Variants in IGSF5 observed in about 807,000 individuals in gnomAD.
The protein encoded by IGSF5 is immunoglobulin superfamily 5 like.
In IGSF5, 41 loss-of-function variants were observed where a neutral mutation model predicts 39.4. The ratio of observed to expected loss-of-function variants is 1.04; its 90% CI spans 0.81 to 1.35. The LOEUF is 1.35. IGSF5 is among the 40% of genes most tolerant of loss of function. IGSF5 has a pLI of 0.00. For synonymous variants in IGSF5, 183 were observed against 175.3 expected, an observed-to-expected ratio of 1.04 and a Z score of -0.34; for missense variants, 487 against 494.6, an observed-to-expected ratio of 0.98 and a Z score of 0.15.
chr21:39,779,445 C>A, intron 5 of IGSF5, 140 bp downstream of exon 5: 1 of 1,126,080 alleles, frequency 8.9e-7, no homozygotes. Flanking sequence ...TGTGGTTGCA[C>A]ACTGTTGGTG....
intron 5 of IGSF5, among the ~76,000 whole-genome samples, chr21:39,786,338 C>G (rs1170113541): frequency 6.7e-6 from 1 of 150,262 alleles, no homozygotes; most frequent in South Asian, 2.1e-4. Context: ...ATTTATGCAG[C>G]CAAAAAACAC....
chr21:39,789,693 A>C (rs2086950035), intron 6 of IGSF5, among the ~76,000 whole-genome samples: 1 of 152,232 alleles, frequency 6.6e-6, no homozygotes, highest in Non-Finnish European at 1.5e-5. Flanking sequence ...CACAAGAAAT[A>C]GTTTAAAAAA....
chr21:39,779,517 G>C (rs1201458388), intron 5 of IGSF5, among the ~76,000 whole-genome samples: 2 of 152,162 alleles, frequency 1.3e-5, no homozygotes, highest in Non-Finnish European at 2.9e-5. Context: ...AATTAAAATA[G>C]AGCTATCCTA....
At chr21:39,759,297 G>A (rs2080048731) in intron 2 of IGSF5, among the ~76,000 whole-genome samples, 1 of 152,168 alleles carries the variant, frequency 6.6e-6, no homozygotes, top group Non-Finnish European at 1.5e-5. Flanking sequence ...ATGTGTTTGG[G>A]GATGAAGATA....
chr21:39,787,483 CA>C (rs1166543242), intron 5 of IGSF5, among the ~76,000 whole-genome samples: 1 of 149,128 alleles, frequency 6.7e-6, no homozygotes, highest in Non-Finnish European at 1.5e-5. Flanking sequence ...TCCCCACCTT[CA>C]AATCCTAGAT....
At chr21:39,797,514 C>T (rs1039606883) in intron 8 of IGSF5, among the ~76,000 whole-genome samples, 22 of 152,124 alleles carry the variant, frequency 1.4e-4, no homozygotes, top group East Asian at 3.9e-4. Context: ...ACAGCTTGCC[C>T]GGCCTTTAAA....
At chr21:39,725,051 C>G in the IGSF5 span, among the ~76,000 whole-genome samples, 1 of 152,228 alleles carries the variant, frequency 6.6e-6, no homozygotes, top group African/African-American at 2.4e-5. Context: ...TGACACACAA[C>G]GTTCAGTAAA....
intron 3 of IGSF5, among the ~76,000 whole-genome samples, chr21:39,766,442 A>G (rs1007471803): frequency 2.0e-5 from 3 of 152,070 alleles, no homozygotes; most frequent in Admixed American, 1.3e-4. Context: ...TGCTTGCATC[A>G]TTTATCAACT....
chr21:39,784,709 A>T (rs573776320), intron 5 of IGSF5, among the ~76,000 whole-genome samples: 1 of 151,762 alleles, frequency 6.6e-6, no homozygotes, highest in South Asian at 2.1e-4. Context: ...GGTGTGATTC[A>T]TAGTGGAAAT....
intron 2 of IGSF5, 105 bp from the exon 3 acceptor site, chr21:39,765,429 TG>T: frequency 1.0e-6 from 1 of 989,774 alleles, no homozygotes; most frequent in Non-Finnish European, 1.5e-6. Context: ...AGTCACTGGA[TG>T]GACAACCTGG....
intron 4 of IGSF5, among the ~76,000 whole-genome samples, chr21:39,774,704 C>T (rs2080130974): frequency 1.3e-5 from 2 of 152,182 alleles, no homozygotes; most frequent in South Asian, 2.1e-4. Flanking sequence ...TTTCTTTGTG[C>T]ACTTATTTGT....
rs775844513 is a variant in IGSF5 at position 39,788,164 on chromosome 21, C to A, written c.935-3C>A. ...TCCAATGTAATTTTGTTCTTTTTTG[C>A]AGGATTTCGTATTCAATTTCAAAAG... On this transcript the variant is annotated splice_region_variant and splice_polypyrimidine_tract_variant and intron_variant, in intron 5 of 8. Coordinates refer to ENST00000380588, the MANE Select transcript of IGSF5 (RefSeq NM_001080444.2). The A allele has an allele frequency of 8.8e-6, 14 of 1,589,574 alleles. No homozygotes were observed. Among genetic ancestry groups the A allele is most frequent in the Non-Finnish European group, 1.2e-5 (14 of 1,162,946 alleles).
chr21:39,732,263 G>A, the IGSF5 span, among the ~76,000 whole-genome samples: 4 of 152,158 alleles, frequency 2.6e-5, no homozygotes, highest in Non-Finnish European at 5.9e-5. Context: ...AATTTTTGGG[G>A]TGGTTTAAAT....
At chr21:39,758,475 G>C (rs1358754369) in intron 2 of IGSF5, among the ~76,000 whole-genome samples, 6 of 152,078 alleles carry the variant, frequency 3.9e-5, no homozygotes, top group African/African-American at 1.2e-4. Flanking sequence ...TCTGGGCTTC[G>C]AGGAAGACCT....
rs942645451 is a variant in IGSF5 at position 39,746,247 on chromosome 21, G to C, written c.49G>C (p.Glu17Gln). The C allele has an allele frequency of 4.3e-6, 3 of 701,908 alleles. No individual in the cohort carries two copies. Among genetic ancestry groups the C allele is most frequent in the Non-Finnish European group, 7.8e-6 (3 of 384,804 alleles). 43.5% of individuals were successfully genotyped at this position (701,908 alleles called of 1,614,324 possible). A position where few individuals can be genotyped will look rare whatever the true frequency, so the allele number is the denominator to read the frequency against. ...STADTLPDLEEWKSAAGLRWW... is the reference protein window; with the variant it reads ...STADTLPDLEQWKSAAGLRWW... Reference sequence around the variant, plus strand: ...AGCAGATACTCTGCCGGATCTGGAGGAATGGAAGTCAGCGGCGGGTCTGCG... The same window carrying C: ...AGCAGATACTCTGCCGGATCTGGAGCAATGGAAGTCAGCGGCGGGTCTGCG... Residue 17 changes from glutamate (E) to glutamine (Q), a missense_variant, in exon 2 of 9, where the codon GAA (glutamate) becomes CAA (glutamine). Physicochemically the swap from Glu to Gln is conservative, Grantham distance 29. Transcript: ENST00000380588.
At chr21:39,763,209 T>C (rs8133458) in intron 2 of IGSF5, among the ~76,000 whole-genome samples, 143,568 of 152,238 alleles carry the variant, frequency 0.94, 67,785 homozygotes, top group East Asian at 1. Context: ...GGACATTAAC[T>C]GTCCTCCAGT....
chr21:39,775,582 A>G (rs2080135759), intron 4 of IGSF5, among the ~76,000 whole-genome samples: 1 of 152,204 alleles, frequency 6.6e-6, no homozygotes, highest in Non-Finnish European at 1.5e-5. Flanking sequence ...ACAGATGGGA[A>G]AAGGACAATC....
At chr21:39,795,069 G>A (rs1482257377) in intron 8 of IGSF5, among the ~76,000 whole-genome samples, 1 of 152,176 alleles carries the variant, frequency 6.6e-6, no homozygotes, top group Non-Finnish European at 1.5e-5. Flanking sequence ...GGGGCCTGGG[G>A]CATAAAGGCA....
chr21:39,786,662 T>A (rs951163537), intron 5 of IGSF5, among the ~76,000 whole-genome samples: 21 of 151,926 alleles, frequency 1.4e-4, no homozygotes, highest in African/African-American at 4.6e-4. Context: ...TGCACACGTA[T>A]GTTTATTGTG....
Sources: gnomAD v4.1 joint callset for allele counts (sites outside exome capture counted in the v4.1 genomes callset) on GRCh38, gnomAD v4.1.1 for gene constraint, MANE v1.5 for transcripts, NCBI Gene and HGNC (gene_info 2026-07-23, HGNC 2026-07-21) for gene names.